SEC14L1: variants seen among roughly 807,000 people sequenced by gnomAD.
SEC14L1 encodes SEC14 like lipid binding 1.
A neutral mutation model predicts 85.3 loss-of-function variants in SEC14L1; 48 were observed. The observed-to-expected ratio is 0.56, with a 90% CI of 0.45 to 0.72. The LOEUF is 0.72. Among genes scored for constraint, SEC14L1 ranks in the 30% least tolerant of loss-of-function variants. The pLI, the probability that SEC14L1 is intolerant of heterozygous loss-of-function variation, is 0.00. For synonymous variants in SEC14L1, 391 were observed against 355.5 expected, an observed-to-expected ratio of 1.10 and a Z score of -1.12; for missense variants, 682 against 921.4, an observed-to-expected ratio of 0.74 and a Z score of 3.36.
At chr17:77,157,606 C>T (rs2143609088) in intron 3 of SEC14L1, among the ~76,000 whole-genome samples, 1 of 151,966 alleles carries the variant, frequency 6.6e-6, no homozygotes, top group East Asian at 1.9e-4. Context: ...CGGCTCACTG[C>T]AGCCTCCACC....
Position 77,206,941 on chromosome 17 carries a change from T to A in SEC14L1, c.1476+79T>A, listed in dbSNP as rs540612494. The A allele has an allele frequency of 1.3e-5, 17 of 1,345,816 alleles. No homozygotes were observed. In the South Asian group the frequency reaches 2.3e-4, roughly 18 times the overall value. 83.4% of individuals were successfully genotyped at this position (1,345,816 alleles called of 1,614,324 possible). A position where few individuals can be genotyped will look rare whatever the true frequency, so the allele number is the denominator to read the frequency against. ...GTCGGTGTCGATTTGCACAAATGAT[T>A]TTCAGAACTTCCAGTTGTTTGGATG... On this transcript the variant is annotated intron_variant, in intron 13 of 16. Coordinates refer to ENST00000436233, the MANE Select transcript of SEC14L1 (RefSeq NM_001143998.2). The surrounding 1 kb of genome is among the most constrained non-coding windows in gnomAD (Gnocchi z 4.3).
chr17:77,097,135 C>G (rs117812440), intron 3 of SEC14L1, among the ~76,000 whole-genome samples: 10 of 152,206 alleles, frequency 6.6e-5, no homozygotes. Flanking sequence ...AGTGTTAACA[C>G]GTACCAGTAT....
intron 3 of SEC14L1, among the ~76,000 whole-genome samples, chr17:77,171,990 T>C (rs1974541702): frequency 6.6e-6 from 1 of 152,204 alleles, no homozygotes; most frequent in Non-Finnish European, 1.5e-5. Context: ...ATAGGTTTGT[T>C]CCTGCCTCCG....
At chr17:77,110,468 C>T (rs1165138997) in intron 3 of SEC14L1, among the ~76,000 whole-genome samples, 1 of 152,132 alleles carries the variant, frequency 6.6e-6, no homozygotes, top group Admixed American at 6.5e-5. Flanking sequence ...TATGAGTGAC[C>T]ATGGCCAGAG....
At chr17:77,145,292 GA>G (rs371545904) in intron 3 of SEC14L1, among the ~76,000 whole-genome samples, 425 of 152,236 alleles carry the variant, frequency 2.8e-3, no homozygotes, top group African/African-American at 1.0e-2. Flanking sequence ...CTGTACTTGA[GA>G]TATAATTTAC....
At position 77,200,493 on chromosome 17, in the gene SEC14L1, G is replaced by T. The variant is rs769539109; in HGVS notation, c.829G>T (p.Asp277Tyr). Residue 277 changes from aspartate (D) to tyrosine (Y), a missense_variant, in exon 9 of 17, where the codon GAT (aspartate) becomes TAT (tyrosine). This residue lies in a region of SEC14L1 where 420 missense variants were observed against 619.5 expected (regional missense o/e 0.68). Transcript: ENST00000436233. The stretch of plus-strand genomic sequence containing the variant: ...CTTTTTCTCTTAATAGATTCCAAAA[G>T]ATGAGCATATTCTTCGGTTCCTCCG... The part of the protein sequence containing the change: ...QETHKGKIPK[D>Y]EHILRFLRAR... 3 of 1,612,510 alleles carry T rather than the reference G, an allele frequency of 1.9e-6. No individual in the cohort carries two copies. The highest frequency in any genetic ancestry group is 1.3e-5 in the African/African-American group (1 of 74,796).
intron 3 of SEC14L1, among the ~76,000 whole-genome samples, chr17:77,179,365 C>T (rs139902314): frequency 6.6e-6 from 1 of 152,200 alleles, no homozygotes. Flanking sequence ...ATGTGAGCAA[C>T]ATGTTTACTG....
intron 3 of SEC14L1, chr17:77,130,060 G>A (rs926470209): frequency 6.6e-6 from 1 of 152,182 alleles, no homozygotes; most frequent in Non-Finnish European, 1.5e-5. Flanking sequence ...TGAGTGGGAA[G>A]CTGAAAGGCT....
intron 3 of SEC14L1, among the ~76,000 whole-genome samples, chr17:77,172,386 T>A (rs1318656037): frequency 1.3e-5 from 2 of 152,198 alleles, no homozygotes; most frequent in Non-Finnish European, 2.9e-5. Context: ...TGTTTTGCCC[T>A]TTTCCCTCTC....
At position 77,214,580 on chromosome 17, in the gene SEC14L1, T is replaced by G; in HGVS notation, c.*557T>G. ...GAGGATTCAGAGGTTGCCTGCGGAGTACCTTGTCCCAGGGCCAGACACACC... is the reference window on the plus strand; with the variant it reads ...GAGGATTCAGAGGTTGCCTGCGGAGGACCTTGTCCCAGGGCCAGACACACC... On this transcript the variant is annotated 3_prime_UTR_variant, in exon 17 of 17. Coordinates refer to ENST00000436233, the MANE Select transcript of SEC14L1 (RefSeq NM_001143998.2). The G allele has an allele frequency of 1.0e-6, 1 of 988,364 alleles. No individual in the cohort carries two copies. The highest frequency in any genetic ancestry group is 1.7e-5 in the African/African-American group (1 of 57,320). The allele number at this position is 988,364 out of a possible 1,614,324, so 61.2% of individuals were successfully genotyped here.
At chr17:77,185,158 G>A (rs1254369736) in intron 3 of SEC14L1, 3 of 921,596 alleles carry the variant, frequency 3.3e-6, no homozygotes, top group African/African-American at 1.8e-5. Flanking sequence ...CTTTGTTTTA[G>A]GCATTGAAGT....
At chr17:77,165,643 C>T (rs1974250082) in intron 3 of SEC14L1, among the ~76,000 whole-genome samples, 1 of 152,084 alleles carries the variant, frequency 6.6e-6, no homozygotes. Flanking sequence ...TGTTTTATTC[C>T]CAGTGCCTGA....
At chr17:77,207,344 C>T (rs2143176345) in intron 13 of SEC14L1, among the ~76,000 whole-genome samples, 1 of 152,096 alleles carries the variant, frequency 6.6e-6, no homozygotes, top group Middle Eastern at 3.4e-3. Context: ...GATCCTCCCA[C>T]CTCAGCCACC....
intron 3 of SEC14L1, among the ~76,000 whole-genome samples, chr17:77,152,992 C>T (rs1015848156): frequency 1.3e-5 from 2 of 152,308 alleles, no homozygotes; most frequent in South Asian, 2.1e-4. Flanking sequence ...TTCCTTACAG[C>T]AAATAGGCTG....
intron 6 of SEC14L1, among the ~76,000 whole-genome samples, chr17:77,194,418 G>A (rs1167426528): frequency 6.6e-6 from 1 of 152,000 alleles, no homozygotes; most frequent in Non-Finnish European, 1.5e-5. Flanking sequence ...AGCCGGATGA[G>A]GTGGCATATA....
At chr17:77,145,926 A>G (rs1040044221) in intron 3 of SEC14L1, among the ~76,000 whole-genome samples, 1 of 152,182 alleles carries the variant, frequency 6.6e-6, no homozygotes, top group Non-Finnish European at 1.5e-5. Flanking sequence ...CAGCTCGAGG[A>G]CGTGCTTAGC....
At position 77,200,546 on chromosome 17, in the gene SEC14L1, C is replaced by G; in HGVS notation, c.882C>G (p.Ala294=). Residue 294 remains alanine (A), a synonymous_variant, in exon 9 of 17, where the codon GCC becomes GCG. Transcript: ENST00000436233. ...CACGGGATTTTAATATTGACAAAGC[C>G]AGAGAGATCATGTGTCAGTCTTTGA... ...LRARDFNIDK[A]REIMCQSLTW... is the part of the protein sequence containing the mutation. 2 of 1,614,016 alleles carry G rather than the reference C, an allele frequency of 1.2e-6. No individual in the cohort carries two copies. The highest frequency in any genetic ancestry group is 1.7e-6 in the Non-Finnish European group (2 of 1,179,948).
At chr17:77,099,638 T>G (rs1245025819) in intron 3 of SEC14L1, among the ~76,000 whole-genome samples, 1 of 152,180 alleles carries the variant, frequency 6.6e-6, no homozygotes, top group Non-Finnish European at 1.5e-5. Flanking sequence ...ACTCCTGTAA[T>G]GCCAGCTACT....
rs751837900 is a variant in SEC14L1 at position 77,193,444 on chromosome 17, G to A, written c.369G>A (p.Trp123Ter). 2.5e-6 allele frequency: 4 copies of A among 1,607,526 alleles called. No homozygotes were observed. Among genetic ancestry groups the A allele is most frequent in the Non-Finnish European group, 3.4e-6 (4 of 1,175,414 alleles). The change falls in exon 6 of 17, where the codon TGG (tryptophan) becomes TGA (stop). Residue 123 changes from tryptophan to a stop codon, truncating the protein, a stop_gained. Transcript: ENST00000436233. LOFTEE classifies it high-confidence loss of function. ...CYTVHPENEDWTCFEQSASLD... is the reference protein window; with the variant it reads ...CYTVHPENED The stretch of plus-strand genomic sequence containing the variant: ...AGGTTCACCCTGAAAATGAAGATTG[G>A]ACCTGTTTTGAACAGTCTGCAAGTT...
Sources: gnomAD v4.1 joint callset for allele counts (sites outside exome capture counted in the v4.1 genomes callset) on GRCh38, gnomAD v4.1.1 for gene constraint, gnomAD v4.1.1 regional missense constraint, Gnocchi (gnomAD v3.1) non-coding constraint, MANE v1.5 for transcripts, NCBI Gene and HGNC (gene_info 2026-07-23, HGNC 2026-07-21) for gene names.